The following UPB1 variants were observed in gnomAD, a reference collection of about 807,000 sequenced individuals.
UPB1 encodes beta-ureidopropionase 1, also known as beta-ureidopropionase.
Under a neutral mutation model 49.1 loss-of-function variants are expected in UPB1, and 40 were observed. The ratio of observed to expected loss-of-function variants is 0.81; its 90% confidence interval spans 0.63 to 1.06. UPB1 has a LOEUF of 1.06. Among genes scored for constraint, UPB1 ranks in the 50% least tolerant of loss-of-function variants. The pLI, the probability that UPB1 is intolerant of heterozygous loss-of-function variation, is 0.00. For missense variants in UPB1, 499 were observed against 505.9 expected (o/e 0.99, Z 0.13); for synonymous variants, 207 against 198.2 (o/e 1.04, Z -0.38).
chr22:24,519,855 C>G (rs868092042), intron 6 of UPB1: 40 of 222,846 alleles, frequency 1.8e-4, no homozygotes, highest in South Asian at 1.9e-4. Flanking sequence ...TCAGCCCTCA[C>G]AGGCCCTGCA....
chr22:24,505,361 C>T (rs2044071663), intron 3 of UPB1, among the ~76,000 whole-genome samples: 1 of 152,186 alleles, frequency 6.6e-6, no homozygotes, highest in Admixed American at 6.5e-5. Flanking sequence ...GTAGTAGGGG[C>T]TCACCCACTG....
At chr22:24,517,661 C>T (rs888336985) in intron 6 of UPB1, among the ~76,000 whole-genome samples, 2 of 152,230 alleles carry the variant, frequency 1.3e-5, no homozygotes, top group African/African-American at 2.4e-5. Flanking sequence ...GCTATGTCCT[C>T]AGCAGCCTAT....
At chr22:24,512,355 A>G (rs969131802) in intron 4 of UPB1, among the ~76,000 whole-genome samples, 4 of 152,128 alleles carry the variant, frequency 2.6e-5, no homozygotes, top group African/African-American at 9.7e-5. Context: ...CCTCTCCCCT[A>G]TCCTGTTGTT....
chr22:24,502,787 C>T (rs780275739), intron 3 of UPB1: 1 of 489,652 alleles, frequency 2.0e-6, no homozygotes, highest in Non-Finnish European at 3.6e-6. Context: ...CACCTATTGA[C>T]TTCCCCCTAT....
intron 5 of UPB1, among the ~76,000 whole-genome samples, chr22:24,514,865 T>A (rs963595034): frequency 6.6e-6 from 1 of 152,154 alleles, no homozygotes; most frequent in African/African-American, 2.4e-5. Context: ...CAACTCGTGT[T>A]AATGCCAACC....
chr22:24,509,007 A>G (rs1448542243), intron 3 of UPB1, among the ~76,000 whole-genome samples: 1 of 152,228 alleles, frequency 6.6e-6, no homozygotes, highest in Admixed American at 6.5e-5. Context: ...GACGAATAGC[A>G]CAGTAGGAAA....
At chr22:24,510,726 T>A (rs747838056) in intron 3 of UPB1, 23 bp from the exon 4 acceptor site, 36 of 1,612,626 alleles carry the variant, frequency 2.2e-5, no homozygotes, top group Non-Finnish European at 3.1e-5. Context: ...TGGATATAAT[T>A]CTGCCCTTTC....
intron 3 of UPB1, among the ~76,000 whole-genome samples, chr22:24,506,759 A>G (rs532349861): frequency 6.6e-6 from 1 of 152,358 alleles, no homozygotes; most frequent in East Asian, 1.9e-4. Flanking sequence ...TTTAGTGGCA[A>G]GAATAATCCC....
chr22:24,515,644 T>C (rs187074127), intron 6 of UPB1, among the ~76,000 whole-genome samples: 349 of 152,276 alleles, frequency 2.3e-3, no homozygotes, highest in African/African-American at 7.8e-3. Context: ...ATGAAAATAA[T>C]TCCCCCCTTT....
intron 5 of UPB1, among the ~76,000 whole-genome samples, chr22:24,514,298 G>A (rs1192428444): frequency 2.0e-5 from 3 of 151,798 alleles, no homozygotes; most frequent in East Asian, 1.9e-4. Context: ...AGAACCCAGC[G>A]TTTCTCAGTA....
At position 24,502,221 on chromosome 22, in the gene UPB1, T is replaced by G; in HGVS notation, c.364+8T>G. 1 of 1,613,234 alleles carries G rather than the reference T, an allele frequency of 6.2e-7. No homozygotes were observed. The highest frequency in any genetic ancestry group is 8.5e-7 in the Non-Finnish European group (1 of 1,179,174). ...GTTTCCAGGAAGCATGGAGTGAGTC[T>G]TTTTTATGGTGCTTTCTCTGCTGCC... On this transcript the variant is annotated splice_region_variant and intron_variant, in intron 3 of 9. Transcript: ENST00000326010.
chr22:24,524,228 A>G (rs2147045016), intron 9 of UPB1, among the ~76,000 whole-genome samples: 1 of 152,302 alleles, frequency 6.6e-6, no homozygotes, highest in Admixed American at 6.5e-5. Flanking sequence ...GCTCTGCCAC[A>G]GCCTTCCTTC....
At chr22:24,513,602 A>G in intron 5 of UPB1, 117 bp downstream of exon 5, 2 of 1,402,756 alleles carry the variant, frequency 1.4e-6, no homozygotes, top group South Asian at 1.2e-5. Context: ...CATGTCACGT[A>G]CACTCCACGG....
At chr22:24,522,801 G>A (rs1021367366) in intron 8 of UPB1, among the ~76,000 whole-genome samples, 2 of 151,330 alleles carry the variant, frequency 1.3e-5, no homozygotes, top group African/African-American at 2.4e-5. Flanking sequence ...AAAATTAGCC[G>A]GGCATGGTGG....
intron 8 of UPB1, 143 bp from the exon 9 acceptor site, chr22:24,523,476 C>G: frequency 8.0e-7 from 1 of 1,253,348 alleles, no homozygotes; most frequent in East Asian, 2.4e-5. Flanking sequence ...AGAGACAGGC[C>G]TTTTGGGCCT....
chr22:24,505,751 CA>C lies in UPB1; in HGVS notation c.364+3539del, dbSNP rs1568984217. Among the ~76,000 whole-genome samples the C allele has an allele frequency of 5.3e-5, 8 of 151,992 alleles. No homozygotes were observed. In the South Asian group the frequency reaches 1.7e-3, roughly 32 times the overall value. On this transcript the variant is annotated intron_variant, in intron 3 of 9. Coordinates refer to ENST00000326010, the MANE Select transcript of UPB1 (RefSeq NM_016327.3). ...TTTTTGAGGTGGAGTCTTGGTCTGTCACCCAGGCTGGAGGGCAGTGGCGCGA... is the reference window on the plus strand; with the variant it reads ...TTTTTGAGGTGGAGTCTTGGTCTGTCCCCAGGCTGGAGGGCAGTGGCGCGA...
intron 3 of UPB1, among the ~76,000 whole-genome samples, chr22:24,509,733 A>AT (rs2044162453): frequency 2.1e-5 from 2 of 94,646 alleles, no homozygotes; most frequent in South Asian, 5.5e-4. Context: ...TGTGTGTGGC[A>AT]TATAGATATA....
intron 8 of UPB1, among the ~76,000 whole-genome samples, 188 bp from the exon 9 acceptor site, chr22:24,523,429 ATT>A (rs915786764): frequency 4.6e-5 from 7 of 152,206 alleles, no homozygotes; most frequent in African/African-American, 1.4e-4. Flanking sequence ...TAAGGGGGCC[ATT>A]TGCAGCAATT....
intron 8 of UPB1, 70 bp downstream of exon 8, chr22:24,522,098 C>T: frequency 3.8e-6 from 6 of 1,567,322 alleles, no homozygotes; most frequent in African/African-American, 1.3e-5. Flanking sequence ...TGTCTGCTTC[C>T]TCCAGTCAGG....
Sources: allele counts gnomAD v4.1 joint callset (sites outside exome capture counted in the v4.1 genomes callset), GRCh38; gene constraint gnomAD v4.1.1; transcripts MANE v1.5; gene names NCBI Gene and HGNC (gene_info 2026-07-23, HGNC 2026-07-21).